The following TRPM7 variants were observed in gnomAD, a reference collection of about 807,000 sequenced individuals.
TRPM7 encodes transient receptor potential cation channel subfamily M member 7, also known as LTRPC ion channel family member 7.
Under a neutral mutation model 229.7 loss-of-function variants are expected in TRPM7, and 134 were observed. The observed-to-expected ratio is 0.58, with a 90% confidence interval of 0.51 to 0.67. The LOEUF (loss-of-function observed/expected upper bound fraction) is 0.67. Among genes scored for constraint, TRPM7 ranks in the 30% least tolerant of loss-of-function variants. The pLI is 0.00. For synonymous variants in TRPM7, 699 were observed against 715.2 expected (o/e 0.98, Z 0.36); for missense variants, 1,901 against 2,210.0 (o/e 0.86, Z 2.80).
At chr15:50,612,976 T>C (rs935184246) in intron 15 of TRPM7, 147 bp from the exon 16 acceptor site, 7 of 719,462 alleles carry the variant, frequency 9.7e-6, no homozygotes, top group Non-Finnish European at 1.5e-5. Flanking sequence ...ATTTTTATTA[T>C]AGCTCATAAT....
chr15:50,633,128 T>C (rs1193883625), intron 8 of TRPM7, 136 bp from the exon 9 acceptor site: 1 of 675,950 alleles, frequency 1.5e-6, no homozygotes, highest in East Asian at 3.4e-5. Context: ...GGTGGGATTA[T>C]TTCTTCCTAC....
At chr15:50,624,945 T>C (rs1235907300) in intron 11 of TRPM7, among the ~76,000 whole-genome samples, 4 of 152,222 alleles carry the variant, frequency 2.6e-5, no homozygotes, top group African/African-American at 9.6e-5. Flanking sequence ...TCATTCATCA[T>C]TATGGAAAAG....
At chr15:50,625,340 C>T (rs897491136) in intron 11 of TRPM7, among the ~76,000 whole-genome samples, 3 of 152,170 alleles carry the variant, frequency 2.0e-5, no homozygotes, top group African/African-American at 7.2e-5. Flanking sequence ...TCTAGAGCAA[C>T]TTGTATTACC....
chr15:50,683,599 T>C (rs370372737), intron 1 of TRPM7, among the ~76,000 whole-genome samples: 1 of 152,016 alleles, frequency 6.6e-6, no homozygotes, highest in Admixed American at 6.6e-5. Flanking sequence ...CCGGGTGTGG[T>C]GGTGGACGCC....
At chr15:50,627,287 T>C (rs927547599) in intron 11 of TRPM7, among the ~76,000 whole-genome samples, 1 of 151,742 alleles carries the variant, frequency 6.6e-6, no homozygotes, top group African/African-American at 2.4e-5. Flanking sequence ...TAGAAAAAAA[T>C]AGCAGGGAAG....
At chr15:50,582,709 T>C (rs1368212788) in intron 29 of TRPM7, among the ~76,000 whole-genome samples, 3 of 152,254 alleles carry the variant, frequency 2.0e-5, no homozygotes, top group African/African-American at 7.2e-5. Flanking sequence ...TTATGAGCAC[T>C]GACTTATATA....
chr15:50,585,396 T>A (rs1367533996), intron 28 of TRPM7, among the ~76,000 whole-genome samples: 1 of 152,212 alleles, frequency 6.6e-6, no homozygotes, highest in Non-Finnish European at 1.5e-5. Flanking sequence ...CTGCTCTGGC[T>A]AGAATGTAAA....
intron 30 of TRPM7, 35 bp from the exon 31 acceptor site, chr15:50,578,699 G>A: frequency 6.7e-7 from 1 of 1,493,454 alleles, no homozygotes; most frequent in South Asian, 1.5e-5. Flanking sequence ...TATAAGCTGT[G>A]CTATGATTTA....
chr15:50,589,783 A>C (rs575626560), intron 26 of TRPM7, 127 bp from the exon 27 acceptor site: 2 of 574,592 alleles, frequency 3.5e-6, no homozygotes, highest in Admixed American at 7.1e-5. Context: ...ATGGCTCTGC[A>C]GTCTCCTTTA....
At chr15:50,685,476 G>T (rs1490554721) in intron 1 of TRPM7, among the ~76,000 whole-genome samples, 1 of 152,150 alleles carries the variant, frequency 6.6e-6, no homozygotes, top group African/African-American at 2.4e-5. Context: ...AAACAAAAAA[G>T]AATAAGGTGG....
Position 50,592,559 on chromosome 15 carries a change from G to T in TRPM7, c.3676C>A (p.Gln1226Lys). The change falls in exon 26 of 39, where the codon CAA becomes AAA. Residue 1226 changes from glutamine to lysine, a missense_variant. Physicochemically the swap from Gln to Lys is moderately conservative, Grantham distance 53. Coordinates refer to ENST00000646667, the MANE Select transcript of TRPM7 (RefSeq NM_017672.6). ...TGGCCAATTTGAGAATCTAATGATTGTAATGATCTTTTTATGTAGTTGACA... is the reference window on the plus strand; with the variant it reads ...TGGCCAATTTGAGAATCTAATGATTTTAATGATCTTTTTATGTAGTTGACA... ...DRVNYIKRSL[Q>K]SLDSQIGHLQ... is the part of the protein sequence containing the mutation. 1 of 1,611,360 alleles carries T rather than the reference G, an allele frequency of 6.2e-7. No individual in the cohort carries two copies.
intron 22 of TRPM7, among the ~76,000 whole-genome samples, chr15:50,597,807 T>C (rs1354276098): frequency 1.3e-5 from 2 of 151,992 alleles, no homozygotes; most frequent in Non-Finnish European, 2.9e-5. Flanking sequence ...TAATCCCAGC[T>C]ACTCCAGAGG....
Position 50,559,619 on chromosome 15 carries a change from C to T in TRPM7, c.*2059G>A, listed in dbSNP as rs1315271388. 4.6e-5 allele frequency: 7 copies of T among 152,148 alleles called. No homozygotes were observed. Among genetic ancestry groups the T allele is most frequent in the African/African-American group, 7.2e-5 (3 of 41,416 alleles). The allele number at this position is 152,148 out of a possible 1,614,324, so 9.4% of individuals were successfully genotyped here. A position where few individuals can be genotyped will look rare whatever the true frequency, so the allele number is the denominator to read the frequency against. ...TAAATAAACGTAAGAATCTTATGGA[C>T]GTTACTTTACCTCTCTAGCACCTTG... On this transcript the variant is annotated 3_prime_UTR_variant, in exon 39 of 39. Transcript: ENST00000646667.
chr15:50,624,489 T>C (rs1019810590), intron 11 of TRPM7, among the ~76,000 whole-genome samples, 189 bp from the exon 12 acceptor site: 1 of 152,204 alleles, frequency 6.6e-6, no homozygotes, highest in African/African-American at 2.4e-5. Flanking sequence ...AAGACCTCTC[T>C]AGAACAACGT....
At chr15:50,631,763 T>C (rs941641536) in intron 9 of TRPM7, among the ~76,000 whole-genome samples, 3 of 152,206 alleles carry the variant, frequency 2.0e-5, no homozygotes, top group African/African-American at 7.2e-5. Flanking sequence ...TCATATTACA[T>C]TCATATTTTG....
chr15:50,627,199 A>G (rs538222791), intron 11 of TRPM7, among the ~76,000 whole-genome samples: 1 of 152,342 alleles, frequency 6.6e-6, no homozygotes, highest in Non-Finnish European at 1.5e-5. Flanking sequence ...TCTTGCCCTC[A>G]GAAAGTTTAC....
At chr15:50,591,624 G>T (rs566731494) in intron 26 of TRPM7, among the ~76,000 whole-genome samples, 2 of 152,096 alleles carry the variant, frequency 1.3e-5, no homozygotes, top group Admixed American at 6.6e-5. Context: ...AGCCTCCTGA[G>T]TAGCTGGGAC....
At position 50,606,379 on chromosome 15, in the gene TRPM7, AAAAC is replaced by A. The variant is rs373781520; in HGVS notation, c.2709+817_2709+820del. Among the ~76,000 whole-genome samples the A allele has an allele frequency of 5.6e-4, 85 of 151,976 alleles. No individual in the cohort carries two copies. The South Asian group carries it at 7.5e-3, about 13-fold the overall frequency. ...GGGTCACAGAGGGAGACTACGTCTC[AAAAC>A]AAACAAACAAACAAACAAACAAAAC... On this transcript the variant is annotated intron_variant, in intron 20 of 38. Coordinates refer to ENST00000646667, the MANE Select transcript of TRPM7 (RefSeq NM_017672.6).
In TRPM7 at chr15:50,599,080, C is replaced by T. The variant is rs555079661; in HGVS notation, c.3163+42G>A. 54 of 1,451,486 alleles carry T rather than the reference C, an allele frequency of 3.7e-5. 1 individual carries two copies. Among genetic ancestry groups the T allele is most frequent in the African/African-American group, 2.7e-4 (19 of 70,416 alleles). 89.9% of individuals were successfully genotyped at this position (1,451,486 alleles called of 1,614,324 possible). ...ATAATTCAATATTGGTTTTAAAACA[C>T]AAAATAACCAAAAGATAAATCTGTA... On this transcript the variant is annotated intron_variant, in intron 22 of 38. Coordinates refer to ENST00000646667, the MANE Select transcript of TRPM7 (RefSeq NM_017672.6).
Sources: gnomAD v4.1 joint callset for allele counts (sites outside exome capture counted in the v4.1 genomes callset) on GRCh38, gnomAD v4.1.1 for gene constraint, MANE v1.5 for transcripts, NCBI Gene and HGNC (gene_info 2026-07-23, HGNC 2026-07-21) for gene names.